Variants in PIK3R1 observed in about 807,000 individuals in gnomAD.
PIK3R1 encodes the protein phosphoinositide-3-kinase regulatory subunit 1.
In PIK3R1, 29 loss-of-function variants were observed where a neutral mutation model predicts 98.0. The observed-to-expected ratio is 0.30, with a 90% CI of 0.22 to 0.40. The LOEUF (loss-of-function observed/expected upper bound fraction) is 0.40. Ranked by LOEUF, PIK3R1 falls within the 10% of genes least tolerant of loss-of-function variation. The probability of loss-of-function intolerance (pLI) is 1.00; values close to 1 mark genes in which losing one functional copy is unlikely to be tolerated. For missense variants in PIK3R1, 596 were observed against 872.7 expected (o/e 0.68, Z 3.99); for synonymous variants, 282 against 311.8 (o/e 0.90, Z 1.01).
In PIK3R1 at chr5:68,263,242, A is replaced by T. The variant is rs924005571; in HGVS notation, c.335-10148A>T. 8.5e-4 allele frequency among the ~76,000 whole-genome samples: 97 copies of T among 113,484 alleles called. 1 individual carries two copies. The highest frequency in any genetic ancestry group is 1.8e-3 in the South Asian group (6 of 3,266). The allele number at this position is 113,484 out of a possible 152,430, so 74.4% of individuals were successfully genotyped here. On this transcript the variant is annotated intron_variant, in intron 2 of 15. Transcript: ENST00000521381. ...CTACATATATATCTATATATGTAGA[A>T]ATATATATATATTCTACATTTTAGT...
chr5:68,227,102 A>G, intron 2 of PIK3R1, 93 bp downstream of exon 2: 6 of 1,148,808 alleles, frequency 5.2e-6, no homozygotes, highest in Non-Finnish European at 7.4e-6. Context: ...TGTTCTGGGC[A>G]GAAGTTACCT....
chr5:68,264,195 A>G (rs914627270), intron 2 of PIK3R1, among the ~76,000 whole-genome samples: 1 of 152,208 alleles, frequency 6.6e-6, no homozygotes, highest in African/African-American at 2.4e-5. Context: ...CAAGGCTTCA[A>G]TACTGATAAA....
chr5:68,290,372 C>T (rs1747321588), intron 7 of PIK3R1, among the ~76,000 whole-genome samples: 1 of 152,166 alleles, frequency 6.6e-6, no homozygotes, highest in African/African-American at 2.4e-5. Flanking sequence ...TTTTGTCAAC[C>T]TGCCAACAGC....
At chr5:68,297,184 C>G (rs1747768641) in intron 15 of PIK3R1, among the ~76,000 whole-genome samples, 2 of 152,190 alleles carry the variant, frequency 1.3e-5, no homozygotes, top group Admixed American at 1.3e-4. Context: ...AACTGTATTA[C>G]ATGTATTTTA....
chr5:68,236,540 C>T (rs557384889), intron 2 of PIK3R1, among the ~76,000 whole-genome samples: 35 of 152,298 alleles, frequency 2.3e-4, no homozygotes, highest in Middle Eastern at 3.4e-3. Context: ...TGAGCCACCA[C>T]GCCTGGCCCT....
At chr5:68,251,244 A>G (rs1745294728) in intron 2 of PIK3R1, among the ~76,000 whole-genome samples, 2 of 151,998 alleles carry the variant, frequency 1.3e-5, no homozygotes, top group South Asian at 4.2e-4. Context: ...TTAATTTTAA[A>G]ATAGTAATTT....
At chr5:68,263,166 CATAT>C (rs1338267325) in intron 2 of PIK3R1, among the ~76,000 whole-genome samples, 4 of 144,496 alleles carry the variant, frequency 2.8e-5, no homozygotes, top group African/African-American at 1.0e-4. Context: ...CATATATCTA[CATAT>C]ATATCTATAT....
chr5:68,289,141 C>T lies in PIK3R1; in HGVS notation c.917-3118C>T, dbSNP rs79416211. 5.6e-4 allele frequency among the ~76,000 whole-genome samples: 85 copies of T among 152,254 alleles called. No homozygotes were observed. In the East Asian group the frequency reaches 0.013, roughly 23 times the overall value. On this transcript the variant is annotated intron_variant, in intron 7 of 15. Coordinates refer to ENST00000521381, the MANE Select transcript of PIK3R1 (RefSeq NM_181523.3). ...GACTGGCACTCTGGGCTGTTACACC[C>T]GCCACAGCTGCTCGGAGAACTTGTC...
chr5:68,287,901 A>G (rs1443248202), intron 7 of PIK3R1, among the ~76,000 whole-genome samples: 1 of 152,124 alleles, frequency 6.6e-6, no homozygotes, highest in Non-Finnish European at 1.5e-5. Flanking sequence ...ACTACTTACT[A>G]TTGAACATTT....
At chr5:68,224,963 C>T (rs931424185) in intron 1 of PIK3R1, among the ~76,000 whole-genome samples, 3 of 152,268 alleles carry the variant, frequency 2.0e-5, no homozygotes, top group Admixed American at 6.5e-5. Context: ...ACCATTGCTA[C>T]TTCCTCTCTA....
intron 4 of PIK3R1, among the ~76,000 whole-genome samples, chr5:68,275,983 A>G (rs1015349898): frequency 6.6e-6 from 1 of 152,232 alleles, no homozygotes; most frequent in Non-Finnish European, 1.5e-5. Context: ...ACTTTAACTC[A>G]CCAGAAAAGA....
At chr5:68,267,261 C>T (rs988114518) in intron 2 of PIK3R1, among the ~76,000 whole-genome samples, 2 of 152,152 alleles carry the variant, frequency 1.3e-5, no homozygotes, top group African/African-American at 4.8e-5. Context: ...CAGTTACCTC[C>T]TAACTCTGAG....
At chr5:68,280,135 A>G in intron 5 of PIK3R1, 2 of 305,728 alleles carry the variant, frequency 6.5e-6, no homozygotes, top group Non-Finnish European at 1.2e-5. Flanking sequence ...TCTCAGTTTT[A>G]GGAGATAAGG....
chr5:68,285,101 C>T (rs1336887388), intron 7 of PIK3R1, among the ~76,000 whole-genome samples: 1 of 152,132 alleles, frequency 6.6e-6, no homozygotes. Flanking sequence ...ACACAGGGTG[C>T]CTTTGAATGA....
chr5:68,293,515 G>A lies in PIK3R1; in HGVS notation c.1299+32G>A, dbSNP rs371311409. 1.3e-4 allele frequency: 190 copies of A among 1,510,720 alleles called. 1 individual carries two copies. The Admixed American group carries it at 2.6e-3, about 21-fold the overall frequency. 93.6% of individuals were successfully genotyped at this position (1,510,720 alleles called of 1,614,324 possible). A position where few individuals can be genotyped will look rare whatever the true frequency, so the allele number is the denominator to read the frequency against. On this transcript the variant is annotated intron_variant, in intron 10 of 15. Transcript: ENST00000521381. The stretch of plus-strand genomic sequence containing the variant: ...AAAACTGAATGAATTATCCAGTTAC[G>A]ATGTTTAGACAAGATCCTTTTAATA...
intron 2 of PIK3R1, among the ~76,000 whole-genome samples, chr5:68,263,183 AC>A (rs1745967975): frequency 1.4e-5 from 2 of 140,986 alleles, no homozygotes. Context: ...ATCTATATAT[AC>A]ATATATCTAC....
intron 2 of PIK3R1, among the ~76,000 whole-genome samples, chr5:68,227,769 G>A (rs1367760608): frequency 3.3e-5 from 5 of 152,132 alleles, no homozygotes; most frequent in Admixed American, 2.0e-4. Flanking sequence ...CACTTCCTTT[G>A]TGGGTAGTGT....
In PIK3R1 at chr5:68,301,458, GTATATATA is replaced by G. The variant is rs367948290; in HGVS notation, c.*3861_*3868del. ...TGTGTGTGTATATATATATATATGT[GTATATATA>G]TATGTATATACATATATGTATATAT... On this transcript the variant is annotated 3_prime_UTR_variant, in exon 16 of 16. Coordinates refer to ENST00000521381, the MANE Select transcript of PIK3R1 (RefSeq NM_181523.3). 1 of 103,984 alleles carries G rather than the reference GTATATATA, an allele frequency of 9.6e-6. No homozygotes were observed. Among genetic ancestry groups the G allele is most frequent in the Non-Finnish European group, 1.9e-5 (1 of 53,144 alleles). 6.4% of individuals were successfully genotyped at this position (103,984 alleles called of 1,614,324 possible).
intron 2 of PIK3R1, among the ~76,000 whole-genome samples, chr5:68,246,429 T>C (rs978898912): frequency 3.3e-5 from 5 of 150,918 alleles, no homozygotes; most frequent in Non-Finnish European, 5.9e-5. Flanking sequence ...TCTCCTGCCT[T>C]AGCCCCCCAG....
Sources: gnomAD v4.1 joint callset for allele counts (sites outside exome capture counted in the v4.1 genomes callset) on GRCh38, gnomAD v4.1.1 for gene constraint, MANE v1.5 for transcripts, NCBI Gene and HGNC (gene_info 2026-07-23, HGNC 2026-07-21) for gene names.